Variants in EPB41L2 observed in about 807,000 individuals in gnomAD.
The protein encoded by EPB41L2 is band 4.1-like protein 2.
Under a neutral mutation model 113.0 loss-of-function variants are expected in EPB41L2, and 43 were observed. The observed-to-expected ratio is 0.38, with a 90% CI of 0.30 to 0.49. The LOEUF (loss-of-function observed/expected upper bound fraction) is 0.49, where lower values mean the gene tolerates loss of function less well. Among genes scored for constraint, EPB41L2 ranks in the 20% least tolerant of loss-of-function variants. EPB41L2 has a pLI of 0.95. For missense variants in EPB41L2, 1,147 were observed against 1,223.4 expected (o/e 0.94, Z 0.93); for synonymous variants, 442 against 436.7 (o/e 1.01, Z -0.15).
At chr6:131,043,120 A>G (rs9402312) in intron 1 of EPB41L2, among the ~76,000 whole-genome samples, 130,811 of 152,000 alleles carry the variant, frequency 0.86, 56,849 homozygotes, top group East Asian at 1. Context: ...TAAACATGGC[A>G]AAACCCTGTC....
chr6:131,056,765 T>G (rs1051045331), intron 1 of EPB41L2, among the ~76,000 whole-genome samples: 1 of 152,190 alleles, frequency 6.6e-6, no homozygotes, highest in Non-Finnish European at 1.5e-5. Context: ...AAACGAGGCT[T>G]TGAGAAATAA....
chr6:130,940,285 C>T (rs1198263177), intron 3 of EPB41L2, among the ~76,000 whole-genome samples: 3 of 152,064 alleles, frequency 2.0e-5, no homozygotes, highest in Non-Finnish European at 4.4e-5. Flanking sequence ...AAGTGGTTTG[C>T]CCTGAACAAA....
Position 130,926,713 on chromosome 6 carries a change from G to T in EPB41L2, c.706-4C>A, listed in dbSNP as rs766148944. On this transcript the variant is annotated splice_polypyrimidine_tract_variant and splice_region_variant and intron_variant, in intron 3 of 19. Transcript: ENST00000337057. Reference sequence around the variant, plus strand: ...ACACTTGTCCCTTGGCATGTTTCTGGAGAAAAAATAATAACTTTACTTTTC... The same window carrying T: ...ACACTTGTCCCTTGGCATGTTTCTGTAGAAAAAATAATAACTTTACTTTTC... The T allele has an allele frequency of 5.1e-6, 8 of 1,579,446 alleles. No homozygotes were observed. The South Asian group carries it at 9.5e-5, about 19-fold the overall frequency.
At chr6:130,996,984 C>T (rs1783282912) in intron 1 of EPB41L2, among the ~76,000 whole-genome samples, 2 of 152,182 alleles carry the variant, frequency 1.3e-5, no homozygotes, top group Admixed American at 6.5e-5. Context: ...AACAGGATAA[C>T]TAAGTCCCAG....
intron 14 of EPB41L2, among the ~76,000 whole-genome samples, chr6:130,873,846 G>A (rs986321099): frequency 6.6e-6 from 1 of 152,140 alleles, no homozygotes; most frequent in Non-Finnish European, 1.5e-5. Flanking sequence ...GGTGAGGAGC[G>A]CAGAAAGTGA....
chr6:130,945,721 AGAGAGGAAGT>A (rs1812575651), intron 3 of EPB41L2, among the ~76,000 whole-genome samples: 1 of 152,230 alleles, frequency 6.6e-6, no homozygotes, highest in Non-Finnish European at 1.5e-5. Context: ...TGAGAATAGA[AGAGAGGAAGT>A]GACTCCCCCA....
chr6:130,938,550 A>G (rs888288426), intron 3 of EPB41L2, among the ~76,000 whole-genome samples: 2 of 152,190 alleles, frequency 1.3e-5, no homozygotes, highest in African/African-American at 4.8e-5. Context: ...CAGAAGCAGG[A>G]AAGTTAAGCA....
At chr6:130,900,019 C>T (rs1046249617) in intron 7 of EPB41L2, among the ~76,000 whole-genome samples, 6 of 152,156 alleles carry the variant, frequency 3.9e-5, no homozygotes, top group Admixed American at 3.3e-4. Flanking sequence ...ATAGGTAACA[C>T]AAATCAATTG....
intron 13 of EPB41L2, 40 bp downstream of exon 13, chr6:130,880,104 C>A (rs375043491): frequency 6.7e-7 from 1 of 1,483,730 alleles, no homozygotes; most frequent in Non-Finnish European, 9.4e-7. Context: ...AGCAGCCGGG[C>A]AGCCATTAGG....
chr6:130,990,871 G>C (rs1781689036), intron 1 of EPB41L2, among the ~76,000 whole-genome samples: 2 of 147,848 alleles, frequency 1.4e-5, no homozygotes, highest in Admixed American at 1.4e-4. Context: ...CTGCCGCCCA[G>C]GCTGGAGTGC....
intron 3 of EPB41L2, among the ~76,000 whole-genome samples, chr6:130,929,073 C>T (rs1308354808): frequency 6.6e-6 from 1 of 152,188 alleles, no homozygotes; most frequent in Non-Finnish European, 1.5e-5. Context: ...ATCCTGATTG[C>T]ACATACACAT....
chr6:130,854,931 G>A (rs1002604062), intron 19 of EPB41L2, among the ~76,000 whole-genome samples: 3 of 152,154 alleles, frequency 2.0e-5, no homozygotes, highest in Non-Finnish European at 4.4e-5. Context: ...CCAGCTACTC[G>A]GGAGGATGAA....
intron 18 of EPB41L2, among the ~76,000 whole-genome samples, chr6:130,863,115 A>C (rs780990829): frequency 6.6e-5 from 10 of 152,188 alleles, no homozygotes; most frequent in Non-Finnish European, 1.2e-4. Context: ...CTTTTAAAAA[A>C]TTTTCAGAAT....
At chr6:130,920,400 G>A in intron 4 of EPB41L2, among the ~76,000 whole-genome samples, 1 of 152,126 alleles carries the variant, frequency 6.6e-6, no homozygotes, top group Non-Finnish European at 1.5e-5. Flanking sequence ...GGACATTGCA[G>A]GTTTACATCC....
At chr6:131,043,426 C>T (rs925154548) in intron 1 of EPB41L2, among the ~76,000 whole-genome samples, 5 of 151,800 alleles carry the variant, frequency 3.3e-5, no homozygotes, top group Admixed American at 3.3e-4. Context: ...ACAAAAAAAA[C>T]TGAACCAGAA....
chr6:130,977,914 G>A (rs991467063), intron 1 of EPB41L2, among the ~76,000 whole-genome samples: 1 of 152,134 alleles, frequency 6.6e-6, no homozygotes, highest in Non-Finnish European at 1.5e-5. Context: ...TGGTCAAAAG[G>A]TTCATCTACG....
At chr6:131,039,879 C>T (rs1028053023) in intron 1 of EPB41L2, among the ~76,000 whole-genome samples, 6 of 151,524 alleles carry the variant, frequency 4.0e-5, no homozygotes, top group African/African-American at 1.2e-4. Context: ...ATACCAAGAG[C>T]TTATTCTGAA....
At chr6:130,915,768 G>T (rs1800839853) in intron 4 of EPB41L2, among the ~76,000 whole-genome samples, 2 of 152,066 alleles carry the variant, frequency 1.3e-5, no homozygotes, top group Non-Finnish European at 2.9e-5. Flanking sequence ...TAGTGAATGG[G>T]TCTCACGAGA....
chr6:130,890,153 A>G, intron 11 of EPB41L2, 141 bp downstream of exon 11: 1 of 769,442 alleles, frequency 1.3e-6, no homozygotes, highest in Non-Finnish European at 1.9e-6. Context: ...AGGTGTAAGT[A>G]ATAGCATTTT....
Sources: allele counts gnomAD v4.1 joint callset (sites outside exome capture counted in the v4.1 genomes callset), GRCh38; gene constraint gnomAD v4.1.1; transcripts MANE v1.5; gene names NCBI Gene and HGNC (gene_info 2026-07-23, HGNC 2026-07-21).